METTL9: variants seen among roughly 807,000 people sequenced by gnomAD.
METTL9 encodes methyltransferase 9, His-X-His N1(pi)-histidine.
In METTL9, 10 loss-of-function variants were observed where a neutral mutation model predicts 36.0. That is an observed-to-expected ratio of 0.28 (90% CI 0.17 to 0.47). The LOEUF is 0.47. Ranked by LOEUF, METTL9 falls within the 20% of genes least tolerant of loss-of-function variation. METTL9 has a pLI of 0.99. For synonymous variants in METTL9, 175 were observed against 149.7 expected (o/e 1.17, Z -1.23); for missense variants, 246 against 383.5 (o/e 0.64, Z 3.00).
intron 4 of METTL9, chr16:21,640,878 T>C (rs1966245404): frequency 6.6e-6 from 1 of 152,120 alleles, no homozygotes; most frequent in South Asian, 2.1e-4. Flanking sequence ...CACTGACATC[T>C]AGAGTCCGTT....
At chr16:21,624,165 G>A (rs886144488) in intron 3 of METTL9, among the ~76,000 whole-genome samples, 15 of 152,166 alleles carry the variant, frequency 9.9e-5, no homozygotes, top group African/African-American at 3.6e-4. Context: ...GTTATCAATG[G>A]AAATTATTTT....
intron 4 of METTL9, among the ~76,000 whole-genome samples, chr16:21,632,278 T>C (rs1260396577): frequency 6.6e-6 from 1 of 152,254 alleles, no homozygotes; most frequent in Non-Finnish European, 1.5e-5. Flanking sequence ...TACACATTTA[T>C]TCTTTTTCCC....
At chr16:21,643,697 T>G (rs550005068) in intron 4 of METTL9, 1 of 742,984 alleles carries the variant, frequency 1.3e-6, no homozygotes, top group South Asian at 1.8e-5. Context: ...AACTTAATAT[T>G]TAAGTGATAT....
rs155032 is a variant in METTL9 at position 21,603,119 on chromosome 16, T to A, written c.165+3221T>A. The stretch of plus-strand genomic sequence containing the variant: ...GAATAAAGACTTTTTCCAAGAGAAA[T>A]TCCCAGCTTCCTTAACAAACAGCTT... On this transcript the variant is annotated intron_variant, in intron 1 of 4. Transcript: ENST00000358154. Among the ~76,000 whole-genome samples the A allele has an allele frequency of 8.7e-3, 1,323 of 151,882 alleles. 43 individuals carry two copies. The highest frequency in any genetic ancestry group is 0.083 in the East Asian group (427 of 5,152).
chr16:21,631,926 TTGTC>T (rs1965972874), intron 4 of METTL9, among the ~76,000 whole-genome samples: 2 of 152,170 alleles, frequency 1.3e-5, no homozygotes, highest in Admixed American at 1.3e-4. Context: ...GACTTTTTCT[TTGTC>T]TCTCTCTCTC....
intron 4 of METTL9, chr16:21,626,969 A>G (rs957417868): frequency 8.1e-6 from 8 of 985,262 alleles, no homozygotes; most frequent in Non-Finnish European, 9.6e-6. Context: ...GACAAGAGGG[A>G]AGTCTCCATG....
intron 1 of METTL9, among the ~76,000 whole-genome samples, chr16:21,606,323 C>G (rs916368498): frequency 6.6e-6 from 1 of 151,990 alleles, no homozygotes; most frequent in Non-Finnish European, 1.5e-5. Context: ...AGCGACAGAG[C>G]GAGACTCCGT....
intron 4 of METTL9, chr16:21,651,913 C>G (rs952025169): frequency 8.5e-5 from 13 of 152,198 alleles, no homozygotes; most frequent in Admixed American, 5.2e-4. Flanking sequence ...GTCCTTTTGC[C>G]TGAAATAACT....
rs562176511 is a variant in METTL9 at position 21,607,754 on chromosome 16, T to C, written c.166-4891T>C. Among the ~76,000 whole-genome samples, 42 of 152,216 alleles carry C rather than the reference T, an allele frequency of 2.8e-4. 1 individual carries two copies. In the South Asian group the frequency reaches 8.5e-3, roughly 31 times the overall value. On this transcript the variant is annotated intron_variant, in intron 1 of 4. Coordinates refer to ENST00000358154, the MANE Select transcript of METTL9 (RefSeq NM_016025.5). ...CAAGGAGTCCAGCCTCACAGTAGAG[T>C]GGGCGTGTAGTCCTGTCAGTGTGTG...
Position 21,647,566 on chromosome 16 carries a change from AG to A in METTL9, c.752-7659del, listed in dbSNP as rs888573688. On this transcript the variant is annotated intron_variant, in intron 4 of 4. Coordinates refer to ENST00000358154, the MANE Select transcript of METTL9 (RefSeq NM_016025.5). ...TGTGCTTTTATTATATTTTTGAGGT[AG>A]GAAACCCAGCCATTCTGTTATTTTT... 3.3e-6 allele frequency: 5 copies of A among 1,512,630 alleles called. No individual in the cohort carries two copies. The African/African-American group carries it at 4.2e-5, about 13-fold the overall frequency. The allele number at this position is 1,512,630 out of a possible 1,614,324, so 93.7% of individuals were successfully genotyped here.
At position 21,599,644 on chromosome 16, in the gene METTL9, G is replaced by A. The variant is rs1379462267; in HGVS notation, c.-90G>A. The A allele has an allele frequency of 1.5e-6, 2 of 1,344,046 alleles. No individual in the cohort carries two copies. The highest frequency in any genetic ancestry group is 1.9e-6 in the Non-Finnish European group (2 of 1,057,140). The allele number at this position is 1,344,046 out of a possible 1,614,324, so 83.3% of individuals were successfully genotyped here. On this transcript the variant is annotated 5_prime_UTR_variant, in exon 1 of 5. Transcript: ENST00000358154. The surrounding 1 kb of genome is among the most constrained non-coding windows in gnomAD (Gnocchi z 4.4). ...AAGGCGGCCGCGATGGCTCGAGCTC[G>A]GGCGGTGGCGGCGGTGGCCGGAGGC...
At chr16:21,618,955 T>C (rs2152894833) in intron 3 of METTL9, among the ~76,000 whole-genome samples, 1 of 152,218 alleles carries the variant, frequency 6.6e-6, no homozygotes, top group East Asian at 1.9e-4. Flanking sequence ...CCTCAAGTAA[T>C]CCAAAGTGCT....
At chr16:21,617,400 G>A (rs868407598) in intron 2 of METTL9, among the ~76,000 whole-genome samples, 5 of 136,094 alleles carry the variant, frequency 3.7e-5, no homozygotes, top group Middle Eastern at 6.0e-3. Context: ...TCTGGGCGAC[G>A]GCAGAGCGAG....
intron 3 of METTL9, among the ~76,000 whole-genome samples, chr16:21,621,574 G>A (rs952727197): frequency 2.6e-5 from 4 of 151,900 alleles, no homozygotes; most frequent in African/African-American, 4.8e-5. Flanking sequence ...CAATCCGCCC[G>A]CCTTGGCCTC....
chr16:21,626,727 A>G (rs1257177828), intron 4 of METTL9: 1 of 153,312 alleles, frequency 6.5e-6, no homozygotes, highest in Non-Finnish European at 1.4e-5. Flanking sequence ...CTTCAGTGCT[A>G]CTCCTTCCTG....
At chr16:21,654,105 G>A (rs1347278222) in intron 4 of METTL9, 1 of 137,770 alleles carries the variant, frequency 7.3e-6, no homozygotes, top group South Asian at 2.3e-4. Flanking sequence ...GCAGTGGCAC[G>A]ATCTTGGCTC....
chr16:21,657,264 G>A lies in METTL9; in HGVS notation c.*1832G>A, dbSNP rs1185240483. The A allele has an allele frequency of 6.6e-6, 1 of 152,024 alleles. No individual in the cohort carries two copies. Among genetic ancestry groups the A allele is most frequent in the Non-Finnish European group, 1.5e-5 (1 of 68,018 alleles). 9.4% of individuals were successfully genotyped at this position (152,024 alleles called of 1,614,324 possible). A position where few individuals can be genotyped will look rare whatever the true frequency, so the allele number is the denominator to read the frequency against. The stretch of plus-strand genomic sequence containing the variant: ...TTCTCAAAAAAATCTGAAGTTCTCT[G>A]AAAACCAGCTTATTAAAAGTGCTGT... On this transcript the variant is annotated 3_prime_UTR_variant, in exon 5 of 5. Coordinates refer to ENST00000358154, the MANE Select transcript of METTL9 (RefSeq NM_016025.5).
chr16:21,618,810 T>G (rs1363600029), intron 3 of METTL9, among the ~76,000 whole-genome samples: 2 of 151,764 alleles, frequency 1.3e-5, no homozygotes, highest in African/African-American at 4.8e-5. Flanking sequence ...ACCTCTCAGG[T>G]TCAAGCAATT....
intron 3 of METTL9, among the ~76,000 whole-genome samples, chr16:21,619,298 A>G (rs1965633923): frequency 6.6e-6 from 1 of 152,150 alleles, no homozygotes; most frequent in Non-Finnish European, 1.5e-5. Context: ...ATGTAGTACA[A>G]GGGTTTCAGT....
Sources: gnomAD v4.1 joint callset for allele counts (sites outside exome capture counted in the v4.1 genomes callset) on GRCh38, gnomAD v4.1.1 for gene constraint, Gnocchi (gnomAD v3.1) non-coding constraint, MANE v1.5 for transcripts, NCBI Gene and HGNC (gene_info 2026-07-23, HGNC 2026-07-21) for gene names.